Variants in EIF2S2 observed in about 807,000 individuals in gnomAD.
The protein encoded by EIF2S2 is eukaryotic translation initiation factor 2 subunit beta.
EIF2S2 carries 4 observed loss-of-function variants against 44.0 expected under a neutral mutation model. The observed-to-expected ratio is 0.09, with a 90% CI of 0.04 to 0.21. The LOEUF is 0.21. Among genes scored for constraint, EIF2S2 ranks in the 10% least tolerant of loss-of-function variants. EIF2S2 has a pLI of 1.00. For synonymous variants in EIF2S2, 108 were observed against 128.3 expected, an observed-to-expected ratio of 0.84 and a Z score of 1.07; for missense variants, 154 against 392.0, an observed-to-expected ratio of 0.39 and a Z score of 5.13.
intron 1 of EIF2S2, among the ~76,000 whole-genome samples, chr20:34,106,953 G>A (rs542831189): frequency 8.0e-4 from 121 of 152,198 alleles, no homozygotes; most frequent in African/African-American, 2.8e-3. Context: ...AGGCCGAGGC[G>A]GGCGGATCAT....
intron 1 of EIF2S2, among the ~76,000 whole-genome samples, chr20:34,109,939 CA>C (rs1001405232): frequency 1.9e-4 from 27 of 144,370 alleles, no homozygotes; most frequent in South Asian, 1.1e-3. Flanking sequence ...ACTAAAAATA[CA>C]AAAAAAAAAT....
intron 3 of EIF2S2, among the ~76,000 whole-genome samples, chr20:34,102,050 C>T (rs935859607): frequency 4.6e-5 from 7 of 152,148 alleles, no homozygotes; most frequent in Admixed American, 4.6e-4. Context: ...TAGCCCAAGA[C>T]CTCAAAAACC....
At chr20:34,109,740 CT>C (rs1484480920) in intron 1 of EIF2S2, among the ~76,000 whole-genome samples, 1 of 151,728 alleles carries the variant, frequency 6.6e-6, no homozygotes, top group Non-Finnish European at 1.5e-5. Flanking sequence ...TGGCAAGTTT[CT>C]GGCTTAATTA....
In EIF2S2 at chr20:34,093,679, T is replaced by C; in HGVS notation, c.736A>G (p.Thr246Ala). Residue 246 changes from threonine to alanine, a missense_variant, in exon 7 of 9, where the codon ACA becomes GCA. Physicochemically the swap from Thr to Ala is moderately conservative, Grantham distance 58 (BLOSUM62 0). Coordinates refer to ENST00000374980, the MANE Select transcript of EIF2S2 (RefSeq NM_003908.5). ...LLAFLLAELGTSGSIDGNNQL... is the reference protein window; with the variant it reads ...LLAFLLAELGASGSIDGNNQL... ...TAAATGTATACAGTTTCTTACCTTGTACCCAATTCAGCCAACAAAAATGCA... is the reference window on the plus strand; with the variant it reads ...TAAATGTATACAGTTTCTTACCTTGCACCCAATTCAGCCAACAAAAATGCA... 6.2e-7 allele frequency: 1 copy of C among 1,608,202 alleles called. No individual in the cohort carries two copies. Among genetic ancestry groups the C allele is most frequent in the Non-Finnish European group, 8.5e-7 (1 of 1,176,478 alleles).
intron 1 of EIF2S2, among the ~76,000 whole-genome samples, chr20:34,106,471 G>A (rs1418266352): frequency 6.9e-6 from 1 of 144,832 alleles, no homozygotes; most frequent in Non-Finnish European, 1.5e-5. Flanking sequence ...TGGCTCTGCT[G>A]CCCAGGTTGG....
chr20:34,105,613 T>C, intron 1 of EIF2S2, 68 bp from the exon 2 acceptor site: 4 of 1,388,516 alleles, frequency 2.9e-6, no homozygotes, highest in Non-Finnish European at 3.8e-6. Context: ...ATTCCAAATA[T>C]GCTTTATCCT....
intron 7 of EIF2S2, among the ~76,000 whole-genome samples, chr20:34,092,317 T>A (rs1195181241): frequency 6.6e-6 from 1 of 152,152 alleles, no homozygotes; most frequent in African/African-American, 2.4e-5. Flanking sequence ...GAAAAAACAA[T>A]GCTAGCTTTT....
At chr20:34,093,278 G>A (rs1354099824) in intron 7 of EIF2S2, among the ~76,000 whole-genome samples, 1 of 152,126 alleles carries the variant, frequency 6.6e-6, no homozygotes, top group Non-Finnish European at 1.5e-5. Flanking sequence ...TTTCTCCAGT[G>A]CCACTCATCA....
rs1329166547 is a variant in EIF2S2, at chr20:34,089,172, T to C, written c.*558A>G. ...CCCCACATACGGAAAAGAATTCAAA[T>C]CTATGGAGTCATTCCCTGGACACTG... On this transcript the variant is annotated 3_prime_UTR_variant, in exon 9 of 9. Coordinates refer to ENST00000374980, the MANE Select transcript of EIF2S2 (RefSeq NM_003908.5). The C allele has an allele frequency of 6.5e-6, 1 of 152,746 alleles. No homozygotes were observed. The highest frequency in any genetic ancestry group is 6.5e-5 in the Admixed American group (1 of 15,278). The allele number at this position is 152,746 out of a possible 1,614,324, so 9.5% of individuals were successfully genotyped here. A position where few individuals can be genotyped will look rare whatever the true frequency, so the allele number is the denominator to read the frequency against.
intron 1 of EIF2S2, among the ~76,000 whole-genome samples, chr20:34,107,070 C>T (rs1051758890): frequency 6.6e-6 from 1 of 151,834 alleles, no homozygotes; most frequent in African/African-American, 2.4e-5. Flanking sequence ...CCTAGCTACT[C>T]GGGAGGCTGA....
rs750524624 is a variant in EIF2S2 at position 34,093,716 on chromosome 20, G to C, written c.699C>G (p.Pro233=). 1 of 1,607,724 alleles carries C rather than the reference G, an allele frequency of 6.2e-7. No individual in the cohort carries two copies. The highest frequency in any genetic ancestry group is 8.5e-7 in the Non-Finnish European group (1 of 1,176,192). The change falls in exon 7 of 9, where the codon CCC becomes CCG. Residue 233 remains proline (P), a synonymous_variant. Transcript: ENST00000374980. ...TDICKLLHRQ[P]KHLLAFLLAE... Reference sequence around the variant, plus strand: ...CCAACAAAAATGCAAGGAGATGTTTGGGCTGACGATGTAATCTAAAAAGAA... The same window carrying C: ...CCAACAAAAATGCAAGGAGATGTTTCGGCTGACGATGTAATCTAAAAAGAA...
chr20:34,098,175 G>A (rs978223498), intron 4 of EIF2S2, among the ~76,000 whole-genome samples: 1 of 151,938 alleles, frequency 6.6e-6, no homozygotes, highest in Non-Finnish European at 1.5e-5. Context: ...GAACCCGGTA[G>A]GCAGAGATTG....
chr20:34,103,632 CAT>C, intron 2 of EIF2S2, 67 bp from the exon 3 acceptor site: 2 of 1,430,180 alleles, frequency 1.4e-6, no homozygotes, highest in Non-Finnish European at 1.8e-6. Context: ...GTTACACAAA[CAT>C]AGTTCAGCAA....
At chr20:34,097,550 G>A (rs1484192047) in intron 4 of EIF2S2, 34 bp from the exon 5 acceptor site, 9 of 1,571,536 alleles carry the variant, frequency 5.7e-6, no homozygotes, top group African/African-American at 1.3e-5. Context: ...AATGAGGGGT[G>A]GGCCCTACTA....
At chr20:34,098,919 G>A (rs1326794764) in intron 3 of EIF2S2, among the ~76,000 whole-genome samples, 1 of 152,226 alleles carries the variant, frequency 6.6e-6, no homozygotes, top group Non-Finnish European at 1.5e-5. Flanking sequence ...AGAAACGCCT[G>A]TCAGAAATGG....
intron 1 of EIF2S2, among the ~76,000 whole-genome samples, chr20:34,107,340 A>G (rs1254857397): frequency 6.6e-6 from 1 of 152,208 alleles, no homozygotes; most frequent in Non-Finnish European, 1.5e-5. Flanking sequence ...CAGCGTTAAT[A>G]GTAAAGTGTT....
rs2122382701 is a variant in EIF2S2, at chr20:34,089,406, A to G, written c.*324T>C. The G allele has an allele frequency of 4.1e-6, 1 of 245,114 alleles. No homozygotes were observed. Among genetic ancestry groups the G allele is most frequent in the Non-Finnish European group, 7.7e-6 (1 of 129,224 alleles). 15.2% of individuals were successfully genotyped at this position (245,114 alleles called of 1,614,324 possible). ...TGATTTCACCAAGCACATTTATAGA[A>G]AAGAAAACTGAAGGACAAACCAAAT... On this transcript the variant is annotated 3_prime_UTR_variant, in exon 9 of 9. Transcript: ENST00000374980.
chr20:34,093,634 A>G, intron 7 of EIF2S2, 41 bp downstream of exon 7: 1 of 1,507,194 alleles, frequency 6.6e-7, no homozygotes, highest in Non-Finnish European at 9.0e-7. Flanking sequence ...TTCTTATGAA[A>G]TGTCCAGCAG....
intron 4 of EIF2S2, 42 bp from the exon 5 acceptor site, chr20:34,097,558 C>T (rs765319787): frequency 6.5e-7 from 1 of 1,542,048 alleles, no homozygotes; most frequent in Non-Finnish European, 8.9e-7. Context: ...GTGGGCCCTA[C>T]TACAATACAA....
Sources: allele counts gnomAD v4.1 joint callset (sites outside exome capture counted in the v4.1 genomes callset), GRCh38; gene constraint gnomAD v4.1.1; transcripts MANE v1.5; gene names NCBI Gene and HGNC (gene_info 2026-07-23, HGNC 2026-07-21).